Variants in RRM2 observed in about 807,000 individuals in gnomAD.
RRM2 encodes the protein ribonucleotide reductase regulatory subunit M2, also known as ribonucleoside-diphosphate reductase subunit M2.
Under a neutral mutation model 45.9 loss-of-function variants are expected in RRM2, and 6 were observed. The observed-to-expected ratio is 0.13, with a 90% CI of 0.07 to 0.26. The LOEUF (loss-of-function observed/expected upper bound fraction) is 0.26. Ranked by LOEUF, RRM2 falls within the 10% of genes least tolerant of loss-of-function variation. The pLI, the probability that RRM2 is intolerant of heterozygous loss-of-function variation, is 1.00. For synonymous variants in RRM2, 177 were observed against 173.0 expected (o/e 1.02, Z -0.18); for missense variants, 343 against 489.5 (o/e 0.70, Z 2.82).
At chr2:10,141,821 A>G in intron 1 of RRM2, 8 of 1,551,544 alleles carry the variant, frequency 5.2e-6, no homozygotes, top group Non-Finnish European at 7.0e-6. Flanking sequence ...TCCAGCATGC[A>G]GTCACTGAGC....
Position 10,185,628 on chromosome 2 carries a change from T to G in RRM2, n.483-24683T>G, listed in dbSNP as rs1664148667. Among the ~76,000 whole-genome samples the G allele has an allele frequency of 6.6e-6, 1 of 152,208 alleles. No homozygotes were observed. Among genetic ancestry groups the G allele is most frequent in the African/African-American group, 2.4e-5 (1 of 41,436 alleles). On this transcript the variant is annotated intron_variant and non_coding_transcript_variant, in intron 3 of 3. Coordinates refer to the RRM2 transcript ENST00000381786. This position sits in a 1 kb window ranked among gnomAD's most constrained non-coding sequence, Gnocchi z 4.3. ...TCTGTTCTCAAGTGTACTGGATACA[T>G]TCTTGAAAATACTCTTGAACATATT...
chr2:10,149,936 C>G (rs2125314683), intron 3 of RRM2, among the ~76,000 whole-genome samples: 1 of 152,332 alleles, frequency 6.6e-6, no homozygotes, highest in South Asian at 2.1e-4. Context: ...CTGCTTCTTC[C>G]CAAACATCTG....
chr2:10,132,787 G>C (rs1014165761), downstream of RRM2, among the ~76,000 whole-genome samples: 1 of 152,154 alleles, frequency 6.6e-6, no homozygotes, highest in South Asian at 2.1e-4. Flanking sequence ...GCACAAGTTC[G>C]GGGCAGCCAG....
At chr2:10,190,779 ATGG>A (rs1314087527) in intron 3 of RRM2, among the ~76,000 whole-genome samples, 1 of 142,128 alleles carries the variant, frequency 7.0e-6, no homozygotes, top group African/African-American at 2.6e-5. Context: ...GATGGTGGCA[ATGG>A]TGGTGGTGAT....
At chr2:10,133,820 G>C (rs1305979793), downstream of RRM2, among the ~76,000 whole-genome samples, 1 of 151,840 alleles carries the variant, frequency 6.6e-6, no homozygotes. Context: ...CAGCAAGGTG[G>C]TGGACTAAGG....
intron 3 of RRM2, among the ~76,000 whole-genome samples, chr2:10,149,739 C>T (rs1663269602): frequency 6.6e-6 from 1 of 152,180 alleles, no homozygotes; most frequent in African/African-American, 2.4e-5. Flanking sequence ...CATGTGCAGT[C>T]TGGTGATTCC....
At chr2:10,138,042 C>T (rs1334231305), upstream of RRM2, among the ~76,000 whole-genome samples, 1 of 152,160 alleles carries the variant, frequency 6.6e-6, no homozygotes, top group Non-Finnish European at 1.5e-5. Context: ...GCTGCGACCC[C>T]CAGGCTGGAG....
intron 3 of RRM2, chr2:10,145,972 C>G (rs1439870250): frequency 6.6e-6 from 1 of 152,262 alleles, no homozygotes; most frequent in East Asian, 1.9e-4. Flanking sequence ...CACATCTGCA[C>G]TCCCCAGAGG....
chr2:10,188,394 G>A (rs1340414858), intron 3 of RRM2, among the ~76,000 whole-genome samples: 1 of 152,210 alleles, frequency 6.6e-6, no homozygotes, highest in African/African-American at 2.4e-5. Flanking sequence ...GCAGGTGGCC[G>A]CCTTCTTGCT....
downstream of RRM2, among the ~76,000 whole-genome samples, chr2:10,135,920 C>T (rs1297920656): frequency 2.0e-5 from 3 of 151,900 alleles, no homozygotes; most frequent in South Asian, 2.1e-4. Context: ...AGTGATGAAG[C>T]GGGTTATTGT....
At chr2:10,140,848 A>G (rs1663066058), upstream of RRM2, among the ~76,000 whole-genome samples, 1 of 152,038 alleles carries the variant, frequency 6.6e-6, no homozygotes, top group Non-Finnish European at 1.5e-5. Context: ...TTCTTATAAT[A>G]AGTGTTGATG....
At position 10,130,503 on chromosome 2, in the gene RRM2, T is replaced by C. The variant is rs749562845; in HGVS notation, c.*1117T>C. On this transcript the variant is annotated 3_prime_UTR_variant, in exon 10 of 10. Coordinates refer to ENST00000304567, the MANE Select transcript of RRM2 (RefSeq NM_001034.4). ...ATTTTACCTGTAGTTCATACTTCAG[T>C]CACCCAGTGTCTTATTCTGGCATTG... is the stretch of plus-strand genomic sequence containing the variant. The C allele has an allele frequency of 7.9e-5, 12 of 152,216 alleles. No individual in the cohort carries two copies. Among genetic ancestry groups the C allele is most frequent in the African/African-American group, 2.2e-4 (9 of 41,452 alleles). The allele number at this position is 152,216 out of a possible 1,614,324, so 9.4% of individuals were successfully genotyped here. A position where few individuals can be genotyped will look rare whatever the true frequency, so the allele number is the denominator to read the frequency against.
intron 3 of RRM2, among the ~76,000 whole-genome samples, chr2:10,159,686 C>G (rs944676911): frequency 3.9e-5 from 6 of 152,210 alleles, no homozygotes; most frequent in Non-Finnish European, 1.5e-5. Flanking sequence ...TGCTCAGAGC[C>G]TTTATTGGCC....
chr2:10,127,503 T>G lies in RRM2; in HGVS notation c.798+283T>G. On this transcript the variant is annotated intron_variant, in intron 7 of 9. Transcript: ENST00000304567. This position sits in a 1 kb window ranked among gnomAD's most constrained non-coding sequence, Gnocchi z 4.1. ...CTTTGTTTTTTGAGGTGACGGAATC[T>G]TGCTCTGTCGTTCCAGGCTGGAGTG... The G allele has an allele frequency of 3.4e-6, 1 of 291,714 alleles. No homozygotes were observed. 18.1% of individuals were successfully genotyped at this position (291,714 alleles called of 1,614,324 possible).
intron 3 of RRM2, among the ~76,000 whole-genome samples, chr2:10,151,698 C>T (rs988788448): frequency 6.6e-6 from 1 of 152,162 alleles, no homozygotes; most frequent in Non-Finnish European, 1.5e-5. Context: ...GTGACCATAC[C>T]GCTTTACATG....
intron 3 of RRM2, among the ~76,000 whole-genome samples, chr2:10,190,734 G>GGTGGTGATGTTGGCAA (rs1664284686): frequency 7.6e-6 from 1 of 131,194 alleles, no homozygotes; most frequent in African/African-American, 2.8e-5. Context: ...GATCTTGGCG[G>GGTGGTGATGTTGGCAA]TGATGGTGGT....
chr2:10,180,773 A>T (rs199712657), intron 3 of RRM2, among the ~76,000 whole-genome samples: 1,484 of 133,700 alleles, frequency 0.011, 8 homozygotes, highest in African/African-American at 0.013. Flanking sequence ...TTATTTATTT[A>T]TTTTTTTGAG....
rs147880190 is a variant in RRM2, at chr2:10,144,322, C to T, written n.482+1947C>T. On this transcript the variant is annotated intron_variant and non_coding_transcript_variant, in intron 3 of 3. Coordinates refer to the RRM2 transcript ENST00000381786. ...GGTCTCAGATACGCTTGCTAATGCA[C>T]GATTTATTTCTTTTTCAATTTCCTT... Among the ~76,000 whole-genome samples the T allele has an allele frequency of 5.3e-5, 8 of 152,288 alleles. No homozygotes were observed. In the East Asian group the frequency reaches 7.7e-4, roughly 15 times the overall value.
At chr2:10,147,949 A>G (rs1663224716) in intron 3 of RRM2, among the ~76,000 whole-genome samples, 1 of 152,040 alleles carries the variant, frequency 6.6e-6, no homozygotes, top group South Asian at 2.1e-4. Context: ...GTTTGAGACC[A>G]GCCTGGCCAA....
Sources: gnomAD v4.1 joint callset for allele counts (sites outside exome capture counted in the v4.1 genomes callset) on GRCh38, gnomAD v4.1.1 for gene constraint, Gnocchi (gnomAD v3.1) non-coding constraint, MANE v1.5 for transcripts, NCBI Gene and HGNC (gene_info 2026-07-23, HGNC 2026-07-21) for gene names.